The following TMEM182 variants were observed in gnomAD, a reference collection of about 807,000 sequenced individuals.
TMEM182 encodes transmembrane protein 182.
In TMEM182, 20 loss-of-function variants were observed where a neutral mutation model predicts 26.8. The ratio of observed to expected loss-of-function variants is 0.75; its 90% CI spans 0.53 to 1.09. The LOEUF is 1.09. Among genes scored for constraint, TMEM182 ranks in the 50% least tolerant of loss-of-function variants. The pLI is 0.00. For missense variants in TMEM182, 277 were observed against 275.5 expected (o/e 1.01, Z -0.04); for synonymous variants, 109 against 102.2 (o/e 1.07, Z -0.40).
upstream of TMEM182, among the ~76,000 whole-genome samples, chr2:102,758,206 G>A (rs374340153): frequency 3.3e-5 from 5 of 152,038 alleles, no homozygotes; most frequent in East Asian, 9.7e-4. Flanking sequence ...TCTATTGAAA[G>A]GCCCCTTTTC....
chr2:102,805,980 T>C (rs184482854), intron 4 of TMEM182, among the ~76,000 whole-genome samples: 262 of 152,300 alleles, frequency 1.7e-3, no homozygotes, highest in African/African-American at 5.8e-3. Flanking sequence ...AGACTGAATT[T>C]CCATAAGCTT....
chr2:102,745,085 T>C (rs746239395), intron 1 of TMEM182, among the ~76,000 whole-genome samples: 3 of 152,006 alleles, frequency 2.0e-5, no homozygotes, highest in Non-Finnish European at 4.4e-5. Context: ...TGTTGGATAG[T>C]GTATTCTTTT....
intron 4 of TMEM182, among the ~76,000 whole-genome samples, chr2:102,800,843 T>TG (rs1553442397): frequency 7.8e-6 from 1 of 127,392 alleles, no homozygotes; most frequent in Non-Finnish European, 1.7e-5. Context: ...GTGTGTGTGT[T>TG]TAGTAGCTTT....
At chr2:102,794,861 C>G (rs979016681) in intron 3 of TMEM182, among the ~76,000 whole-genome samples, 1 of 152,110 alleles carries the variant, frequency 6.6e-6, no homozygotes, top group East Asian at 1.9e-4. Flanking sequence ...AGTTTTCAGG[C>G]ATTACTTTTA....
chr2:102,807,931 T>C (rs1227761239), intron 4 of TMEM182, among the ~76,000 whole-genome samples: 3 of 152,210 alleles, frequency 2.0e-5, no homozygotes, highest in African/African-American at 7.2e-5. Flanking sequence ...CATACATAAA[T>C]GAATGACCCT....
chr2:102,762,016 G>A (rs1321374559), upstream of TMEM182: 4 of 469,092 alleles, frequency 8.5e-6, no homozygotes, highest in South Asian at 6.8e-5. Flanking sequence ...CTCCAGGGGC[G>A]AGCAAAGGGA....
intron 2 of TMEM182, among the ~76,000 whole-genome samples, chr2:102,763,027 A>T (rs1680280283): frequency 6.6e-6 from 1 of 152,188 alleles, no homozygotes; most frequent in African/African-American, 2.4e-5. Flanking sequence ...TGTTGCAAAT[A>T]AATAAGATTT....
chr2:102,803,061 A>G (rs1682213063), intron 4 of TMEM182, among the ~76,000 whole-genome samples: 1 of 152,216 alleles, frequency 6.6e-6, no homozygotes. Context: ...AGAAGGATTC[A>G]AGCAGCCCCT....
chr2:102,806,212 C>T (rs1163604587), intron 4 of TMEM182, among the ~76,000 whole-genome samples: 4 of 151,798 alleles, frequency 2.6e-5, no homozygotes, highest in Admixed American at 2.6e-4. Context: ...GTTTTCTTTA[C>T]ATTTTCGTGT....
At chr2:102,833,659 C>A (rs1203431035) in intron 3 of TMEM182, among the ~76,000 whole-genome samples, 1 of 152,184 alleles carries the variant, frequency 6.6e-6, no homozygotes, top group African/African-American at 2.4e-5. Context: ...AGAATTAGGT[C>A]CAGGATCCCA....
In TMEM182 at chr2:102,815,702, A is replaced by G; in HGVS notation, c.*734A>G. 1 of 973,496 alleles carries G rather than the reference A, an allele frequency of 1.0e-6. No homozygotes were observed. The highest frequency in any genetic ancestry group is 1.2e-6 in the Non-Finnish European group (1 of 819,040). The allele number at this position is 973,496 out of a possible 1,614,324, so 60.3% of individuals were successfully genotyped here. A position where few individuals can be genotyped will look rare whatever the true frequency, so the allele number is the denominator to read the frequency against. ...ATTGAATTTTTATGAACTTAAAGTG[A>G]GTTAATTGTATAATGTAATATTGTT... is the stretch of plus-strand genomic sequence containing the variant. On this transcript the variant is annotated 3_prime_UTR_variant, in exon 5 of 5. Coordinates refer to ENST00000412401, the MANE Select transcript of TMEM182 (RefSeq NM_144632.5).
At chr2:102,818,782 C>CTA, downstream of TMEM182, among the ~76,000 whole-genome samples, 1 of 151,926 alleles carries the variant, frequency 6.6e-6, no homozygotes, top group South Asian at 2.1e-4. Context: ...ATCTATCTAT[C>CTA]TCTAAATTAT....
chr2:102,826,274 CCAGTGCAGCGTA>C (rs1169407246), intron 3 of TMEM182, among the ~76,000 whole-genome samples: 4 of 151,220 alleles, frequency 2.6e-5, no homozygotes, highest in African/African-American at 7.3e-5. Flanking sequence ...GGGCAAAGCC[CCAGTGCAGCGTA>C]CAGTCTGCAG....
At chr2:102,778,036 G>A (rs1680997316) in intron 3 of TMEM182, among the ~76,000 whole-genome samples, 1 of 151,920 alleles carries the variant, frequency 6.6e-6, no homozygotes, top group African/African-American at 2.4e-5. Flanking sequence ...GGTTGATGAT[G>A]ATGTCTAGTT....
chr2:102,755,012 T>C (rs753392106), intron 1 of TMEM182, among the ~76,000 whole-genome samples: 1 of 152,228 alleles, frequency 6.6e-6, no homozygotes, highest in Non-Finnish European at 1.5e-5. Context: ...TAGTGGACTC[T>C]AGATTTTAAC....
chr2:102,812,529 G>A (rs1330420581), intron 4 of TMEM182, among the ~76,000 whole-genome samples: 1 of 152,032 alleles, frequency 6.6e-6, no homozygotes, highest in Non-Finnish European at 1.5e-5. Context: ...TGATAGAAAT[G>A]ACTACTTTTC....
chr2:102,842,959 C>T (rs923531523), intron 3 of TMEM182, among the ~76,000 whole-genome samples: 3 of 152,126 alleles, frequency 2.0e-5, no homozygotes, highest in African/African-American at 7.2e-5. Flanking sequence ...CTCCCCTTGG[C>T]CATAGCTGTT....
intron 4 of TMEM182, among the ~76,000 whole-genome samples, chr2:102,803,938 C>T (rs910967487): frequency 1.3e-5 from 2 of 151,764 alleles, no homozygotes; most frequent in Non-Finnish European, 2.9e-5. Flanking sequence ...CTGCCGTCTA[C>T]ACCTGCAGGC....
At chr2:102,837,147 A>G (rs1683260305) in intron 3 of TMEM182, among the ~76,000 whole-genome samples, 1 of 152,084 alleles carries the variant, frequency 6.6e-6, no homozygotes. Context: ...TAATTTCTTC[A>G]TATGTCATAG....
Sources: gnomAD v4.1 joint callset for allele counts (sites outside exome capture counted in the v4.1 genomes callset) on GRCh38, gnomAD v4.1.1 for gene constraint, MANE v1.5 for transcripts, NCBI Gene and HGNC (gene_info 2026-07-23, HGNC 2026-07-21) for gene names.